The following ZNF492 variants were observed in gnomAD, a reference collection of about 807,000 sequenced individuals.
The protein encoded by ZNF492 is zinc finger protein 115 (Y20).
Under a neutral mutation model 6.4 loss-of-function variants are expected in ZNF492, and 3 were observed. That is an observed-to-expected ratio of 0.47 (90% CI 0.21 to 1.22). The LOEUF is 1.22. ZNF492 is among the 50% of genes most tolerant of loss of function. ZNF492 has a pLI of 0.22. For missense variants in ZNF492, 356 were observed against 612.5 expected, an observed-to-expected ratio of 0.58 and a Z score of 4.42; for synonymous variants, 112 against 205.3, an observed-to-expected ratio of 0.55 and a Z score of 3.89.
At position 22,634,586 on chromosome 19, in the gene ZNF492, C is replaced by T. The variant is rs1033690179; in HGVS notation, c.-94+112C>T. The T allele has an allele frequency of 4.4e-6, 5 of 1,124,494 alleles. 1 individual carries two copies. Among genetic ancestry groups the T allele is most frequent in the East Asian group, 5.8e-5 (2 of 34,400 alleles). The allele number at this position is 1,124,494 out of a possible 1,614,324, so 69.7% of individuals were successfully genotyped here. On this transcript the variant is annotated intron_variant, in intron 1 of 3. Transcript: ENST00000456783. ...CCCGCAGTCGGCTCCACAATCTGCG[C>T]CCCAAGTTCGCCTTGCCCAGCCCAG...
intron 1 of ZNF492, among the ~76,000 whole-genome samples, chr19:22,647,238 T>TTTG (rs1971887886): frequency 6.7e-6 from 1 of 149,558 alleles, no homozygotes; most frequent in African/African-American, 2.5e-5. Context: ...GCCAGTTTTT[T>TTTG]TTTGTTTGTT....
At chr19:22,659,561 TACACACACACACAC>T (rs569041771) in intron 3 of ZNF492, among the ~76,000 whole-genome samples, 4 of 138,792 alleles carry the variant, frequency 2.9e-5, no homozygotes, top group African/African-American at 5.6e-5. Flanking sequence ...TAATGTGAGA[TACACACACACACAC>T]ACACACACAC....
At chr19:22,647,323 C>T (rs1330012419) in intron 1 of ZNF492, among the ~76,000 whole-genome samples, 5 of 148,416 alleles carry the variant, frequency 3.4e-5, no homozygotes, top group African/African-American at 7.6e-5. Flanking sequence ...ATTGTGCAGT[C>T]CTGGCTCACT....
At position 22,665,156 on chromosome 19, in the gene ZNF492, A is replaced by C. The variant is rs1448073068; in HGVS notation, c.1487A>C (p.Lys496Thr). 1.2e-6 allele frequency: 2 copies of C among 1,611,248 alleles called. No individual in the cohort carries two copies. The highest frequency in any genetic ancestry group is 3.3e-5 in the Admixed American group (2 of 59,704). ...FNNSSILNRH[K>T]MIHTGEKLYK... ...AACTCCTCTATTCTTAACAGACATA[A>C]GATGATTCATACTGGAGAGAAACTC... The change falls in exon 4 of 4, where the codon AAG (lysine) becomes ACG (threonine). Residue 496 changes from lysine to threonine, a missense_variant. By Grantham distance (78) the Lys-to-Thr change is moderately conservative. Coordinates refer to ENST00000456783, the MANE Select transcript of ZNF492 (RefSeq NM_020855.3).
intron 1 of ZNF492, among the ~76,000 whole-genome samples, chr19:22,636,388 G>A (rs1484800279): frequency 6.6e-5 from 10 of 151,970 alleles, no homozygotes; most frequent in African/African-American, 7.2e-5. Flanking sequence ...GAGCCACCGC[G>A]CCCAGCCTCA....
At chr19:22,644,653 T>C (rs1268071018) in intron 1 of ZNF492, among the ~76,000 whole-genome samples, 7 of 152,164 alleles carry the variant, frequency 4.6e-5, no homozygotes. Flanking sequence ...GTTGTTTCCA[T>C]GTCTTTGCTG....
intron 1 of ZNF492, among the ~76,000 whole-genome samples, chr19:22,646,408 G>A (rs553606473): frequency 6.6e-6 from 1 of 152,300 alleles, no homozygotes; most frequent in South Asian, 2.1e-4. Flanking sequence ...AGCTTAAGGA[G>A]TTTTTGGGCT....
At chr19:22,661,833 C>T (rs542296729) in intron 3 of ZNF492, among the ~76,000 whole-genome samples, 2 of 152,160 alleles carry the variant, frequency 1.3e-5, no homozygotes, top group Non-Finnish European at 2.9e-5. Flanking sequence ...CTGACCTCAG[C>T]TGATCCTCCC....
chr19:22,651,306 T>C (rs1452301772), intron 1 of ZNF492, among the ~76,000 whole-genome samples: 1 of 152,012 alleles, frequency 6.6e-6, no homozygotes, highest in Non-Finnish European at 1.5e-5. Flanking sequence ...TTATGGTTCT[T>C]TTCGGTGGGA....
chr19:22,653,172 G>C (rs1352335456), intron 1 of ZNF492, 135 bp from the exon 2 acceptor site: 2 of 1,033,518 alleles, frequency 1.9e-6, no homozygotes, highest in African/African-American at 3.4e-5. Context: ...TGTGCTGAAA[G>C]TTATTTATTA....
intron 1 of ZNF492, among the ~76,000 whole-genome samples, chr19:22,641,681 A>G (rs1971826493): frequency 6.6e-6 from 1 of 152,224 alleles, no homozygotes; most frequent in Non-Finnish European, 1.5e-5. Flanking sequence ...TAATGTGACT[A>G]TTAGTGCCCA....
chr19:22,659,482 A>G (rs1209119209), intron 3 of ZNF492, among the ~76,000 whole-genome samples: 3 of 151,310 alleles, frequency 2.0e-5, no homozygotes, highest in Non-Finnish European at 2.9e-5. Context: ...AAAATATCCT[A>G]CTATAATTAT....
intron 1 of ZNF492, among the ~76,000 whole-genome samples, chr19:22,652,234 T>C (rs1185940527): frequency 1.1e-3 from 127 of 120,134 alleles, no homozygotes; most frequent in Middle Eastern, 3.8e-3. Flanking sequence ...TTTTTTTTTT[T>C]TTTTGAGACG....
chr19:22,657,152 G>A (rs556122227), intron 3 of ZNF492, among the ~76,000 whole-genome samples: 22 of 152,086 alleles, frequency 1.4e-4, no homozygotes, highest in Middle Eastern at 3.4e-3. Context: ...TACATGTTAT[G>A]TCTGAAGTGA....
At chr19:22,634,669 G>A (rs545956393) in intron 1 of ZNF492, among the ~76,000 whole-genome samples, 195 bp downstream of exon 1, 2 of 152,262 alleles carry the variant, frequency 1.3e-5, no homozygotes, top group Admixed American at 6.5e-5. Flanking sequence ...ACCCCCGGGC[G>A]TCCTGTCTCT....
chr19:22,655,675 A>ATTTTTT (rs201831166), intron 3 of ZNF492, among the ~76,000 whole-genome samples: 4 of 109,464 alleles, frequency 3.7e-5, no homozygotes, highest in African/African-American at 1.6e-4. Context: ...CAGTGACTTA[A>ATTTTTT]TTTTTTTTTT....
In ZNF492 at chr19:22,634,446, CG is replaced by C. The variant is rs1436163332; in HGVS notation, c.-121del. 2.7e-5 allele frequency: 37 copies of C among 1,383,502 alleles called. No individual in the cohort carries two copies. Among genetic ancestry groups the C allele is most frequent in the Non-Finnish European group, 3.8e-5 (37 of 985,500 alleles). The allele number at this position is 1,383,502 out of a possible 1,614,324, so 85.7% of individuals were successfully genotyped here. On this transcript the variant is annotated 5_prime_UTR_variant, in exon 1 of 4. Transcript: ENST00000456783. ...GGTATTGGGAGATCCACAGCTAAGA[CG>C]CTAGGACCCCCTGGAAGCCTAGAAA...
chr19:22,664,349 G>C lies in ZNF492; in HGVS notation c.680G>C (p.Cys227Ser). The C allele has an allele frequency of 1.3e-6, 2 of 1,549,930 alleles. No homozygotes were observed. ...CATACTGGAAAGAAACCCTACAAATGTGAGGAGTGTGGCAAAGCTTTTAAC... is the reference window on the plus strand; with the variant it reads ...CATACTGGAAAGAAACCCTACAAATCTGAGGAGTGTGGCAAAGCTTTTAAC... ...IIHTGKKPYK[C>S]EECGKAFNQS... The change falls in exon 4 of 4, where the codon TGT (cysteine) becomes TCT (serine). Residue 227 changes from cysteine (C) to serine (S), a missense_variant. Cys to Ser is a moderately radical substitution (Grantham distance 112). Around this residue, in one of 7 missense-constraint regions of ZNF492, gnomAD observed 21 missense variants for 43.4 expected, o/e 0.48. Coordinates refer to ENST00000456783, the MANE Select transcript of ZNF492 (RefSeq NM_020855.3).
Position 22,634,546 on chromosome 19 carries a change from C to T in ZNF492, c.-94+72C>T. 5.4e-6 allele frequency: 7 copies of T among 1,306,026 alleles called. 1 individual carries two copies. The highest frequency in any genetic ancestry group is 4.7e-5 in the South Asian group (4 of 84,734). 80.9% of individuals were successfully genotyped at this position (1,306,026 alleles called of 1,614,324 possible). A position where few individuals can be genotyped will look rare whatever the true frequency, so the allele number is the denominator to read the frequency against. On this transcript the variant is annotated intron_variant, in intron 1 of 3. Coordinates refer to ENST00000456783, the MANE Select transcript of ZNF492 (RefSeq NM_020855.3). ...TGGAACCGGTGGCAAGAGGCTGTGG[C>T]GGGACTCAGGCCTCCCCGCAGTCGG...
Sources: gnomAD v4.1 joint callset for allele counts (sites outside exome capture counted in the v4.1 genomes callset) on GRCh38, gnomAD v4.1.1 for gene constraint, gnomAD v4.1.1 regional missense constraint, MANE v1.5 for transcripts, NCBI Gene and HGNC (gene_info 2026-07-23, HGNC 2026-07-21) for gene names.